The following NFIA variants were observed in gnomAD, a reference collection of about 807,000 sequenced individuals.
NFIA encodes nuclear factor 1 A-type.
Under a neutral mutation model 62.8 loss-of-function variants are expected in NFIA, and 8 were observed. That is an observed-to-expected ratio of 0.13 (90% confidence interval 0.07 to 0.23). NFIA has a LOEUF of 0.23. Among genes scored for constraint, NFIA ranks in the 10% least tolerant of loss-of-function variants. The pLI, the probability that NFIA is intolerant of heterozygous loss-of-function variation, is 1.00. For missense variants in NFIA, 410 were observed against 642.1 expected (o/e 0.64, Z 3.91); for synonymous variants, 235 against 238.1 (o/e 0.99, Z 0.12).
In NFIA at chr1:61,194,248, G is replaced by C. The variant is rs533383737; in HGVS notation, c.560-83272G>C. On this transcript the variant is annotated intron_variant, in intron 2 of 10. Coordinates refer to ENST00000403491, the MANE Select transcript of NFIA (RefSeq NM_001134673.4). ...TAGTGAGAACTGGGGAGATAAGTTA[G>C]GGAAGTGCTCAGCACAACACTTGGG... Among the ~76,000 whole-genome samples, 7 of 152,278 alleles carry C rather than the reference G, an allele frequency of 4.6e-5. No individual in the cohort carries two copies. In the South Asian group the frequency reaches 1.5e-3, roughly 32 times the overall value.
At chr1:61,185,369 AAAAG>A (rs1651096864) in intron 2 of NFIA, among the ~76,000 whole-genome samples, 1 of 152,304 alleles carries the variant, frequency 6.6e-6, no homozygotes, top group South Asian at 2.1e-4. Context: ...CAAAAGGAAA[AAAAG>A]GGGAATATCT....
intron 9 of NFIA, 116 bp downstream of exon 9, chr1:61,406,843 ATGT>A (rs1665864192): frequency 1.7e-6 from 2 of 1,202,478 alleles, no homozygotes; most frequent in Non-Finnish European, 1.1e-6. Context: ...ATCCCCAGTG[ATGT>A]TGTAGCATGA....
At chr1:61,152,199 C>T (rs893335643) in intron 2 of NFIA, among the ~76,000 whole-genome samples, 1 of 152,110 alleles carries the variant, frequency 6.6e-6, no homozygotes, top group African/African-American at 2.4e-5. Context: ...TATGGTCTAT[C>T]GATCATGAGA....
chr1:61,291,755 G>A (rs143225015), intron 3 of NFIA, among the ~76,000 whole-genome samples: 3 of 152,212 alleles, frequency 2.0e-5, no homozygotes, highest in Admixed American at 1.3e-4. Flanking sequence ...TCAATGTATT[G>A]ACTATTCTGT....
At chr1:61,253,033 T>C (rs1473306019) in intron 2 of NFIA, among the ~76,000 whole-genome samples, 4 of 152,202 alleles carry the variant, frequency 2.6e-5, no homozygotes, top group Non-Finnish European at 5.9e-5. Flanking sequence ...GTTGATATTC[T>C]GGGATTGGTA....
chr1:61,265,841 C>T (rs1400087474), intron 2 of NFIA, among the ~76,000 whole-genome samples: 1 of 152,152 alleles, frequency 6.6e-6, no homozygotes, highest in Non-Finnish European at 1.5e-5. Flanking sequence ...AGCCAAGTCA[C>T]TGAAAATAAA....
At chr1:61,333,814 A>G (rs1020180446) in intron 4 of NFIA, among the ~76,000 whole-genome samples, 1 of 152,130 alleles carries the variant, frequency 6.6e-6, no homozygotes, top group Non-Finnish European at 1.5e-5. Context: ...CCTGGCCAAC[A>G]TGGTGAAACC....
intron 2 of NFIA, among the ~76,000 whole-genome samples, chr1:61,241,148 G>A (rs1450944376): frequency 6.6e-6 from 1 of 152,086 alleles, no homozygotes; most frequent in Non-Finnish European, 1.5e-5. Flanking sequence ...GATGGAATGT[G>A]ATGACAGCAC....
At chr1:61,259,837 T>C (rs1457666492) in intron 2 of NFIA, among the ~76,000 whole-genome samples, 3 of 152,232 alleles carry the variant, frequency 2.0e-5, no homozygotes, top group Non-Finnish European at 4.4e-5. Flanking sequence ...TTAATTAATG[T>C]TTTTAAATGA....
intron 2 of NFIA, among the ~76,000 whole-genome samples, chr1:61,205,578 C>T (rs777384547): frequency 2.0e-5 from 3 of 152,072 alleles, no homozygotes; most frequent in Non-Finnish European, 2.9e-5. Context: ...CAGACCTTGG[C>T]GATGATCTTG....
intron 10 of NFIA, among the ~76,000 whole-genome samples, chr1:61,452,093 T>C (rs1668082623): frequency 6.6e-6 from 1 of 152,176 alleles, no homozygotes; most frequent in Admixed American, 6.5e-5. Context: ...AAGAGAAAAG[T>C]AGGCTTTTAC....
intron 2 of NFIA, among the ~76,000 whole-genome samples, chr1:61,106,222 A>G (rs1328139553): frequency 6.6e-6 from 1 of 151,788 alleles, no homozygotes; most frequent in African/African-American, 2.4e-5. Flanking sequence ...CAGCACAGCT[A>G]TTTACAGCAA....
chr1:61,273,371 A>G (rs1570490976), intron 2 of NFIA, among the ~76,000 whole-genome samples: 2 of 152,232 alleles, frequency 1.3e-5, no homozygotes, highest in East Asian at 3.9e-4. Flanking sequence ...ATTGTCTGCA[A>G]TTTCTAAACA....
At chr1:61,111,560 C>T (rs1173400775) in intron 2 of NFIA, among the ~76,000 whole-genome samples, 1 of 152,066 alleles carries the variant, frequency 6.6e-6, no homozygotes, top group East Asian at 1.9e-4. Flanking sequence ...GCTTTATAGC[C>T]AACAGAAAAG....
chr1:61,338,635 G>A (rs906467158), intron 4 of NFIA, among the ~76,000 whole-genome samples: 10 of 152,086 alleles, frequency 6.6e-5, no homozygotes, highest in African/African-American at 2.2e-4. Context: ...GAATGAACTC[G>A]GCTACAAGGC....
chr1:61,189,818 G>C (rs74090309), intron 2 of NFIA, among the ~76,000 whole-genome samples: 1 of 152,128 alleles, frequency 6.6e-6, no homozygotes. Flanking sequence ...CGAGGAGACT[G>C]GCTAAGCAGG....
chr1:61,343,839 T>C (rs1309850525), intron 4 of NFIA, among the ~76,000 whole-genome samples: 2 of 152,214 alleles, frequency 1.3e-5, no homozygotes, highest in East Asian at 3.9e-4. Context: ...AGTGTGGTCA[T>C]TTTTCTAACC....
At chr1:61,283,596 A>AG (rs1164093633) in intron 3 of NFIA, among the ~76,000 whole-genome samples, 1 of 146,024 alleles carries the variant, frequency 6.8e-6, no homozygotes. Context: ...AAAAAAAAAA[A>AG]AAAAAAAAAA....
chr1:61,355,000 A>G (rs777218730), intron 5 of NFIA, among the ~76,000 whole-genome samples: 1 of 145,068 alleles, frequency 6.9e-6, no homozygotes, highest in Non-Finnish European at 1.5e-5. Context: ...TCAGGGTCCT[A>G]TGAACACTCA....
Sources: gnomAD v4.1 joint callset for allele counts (sites outside exome capture counted in the v4.1 genomes callset) on GRCh38, gnomAD v4.1.1 for gene constraint, MANE v1.5 for transcripts, NCBI Gene and HGNC (gene_info 2026-07-23, HGNC 2026-07-21) for gene names.